The following CLPTM1 variants were observed in gnomAD, a reference collection of about 807,000 sequenced individuals.
CLPTM1 encodes putative lipid scramblase CLPTM1.
A neutral mutation model predicts 77.3 loss-of-function variants in CLPTM1; 21 were observed. The ratio of observed to expected loss-of-function variants is 0.27; its 90% CI spans 0.19 to 0.39. The LOEUF is 0.39. Among genes scored for constraint, CLPTM1 ranks in the 10% least tolerant of loss-of-function variants. The probability of loss-of-function intolerance (pLI) is 1.00; values close to 1 mark genes in which losing one functional copy is unlikely to be tolerated. For missense variants in CLPTM1, 642 were observed against 921.2 expected (o/e 0.70, Z 3.92); for synonymous variants, 373 against 381.0 (o/e 0.98, Z 0.24).
chr19:44,974,671 C>T (rs778444336), intron 4 of CLPTM1, 74 bp downstream of exon 4: 1 of 1,535,586 alleles, frequency 6.5e-7, no homozygotes, highest in Non-Finnish European at 8.9e-7. Flanking sequence ...CCAGTCCGCT[C>T]CTTGCTGAGA....
chr19:44,987,557 G>C (rs1208033834), intron 8 of CLPTM1, 134 bp downstream of exon 8: 6 of 1,247,300 alleles, frequency 4.8e-6, no homozygotes, highest in Non-Finnish European at 6.6e-6. Flanking sequence ...AACCTCCCAG[G>C]TCCCTTCTCC....
intron 5 of CLPTM1, among the ~76,000 whole-genome samples, chr19:44,980,525 A>G (rs1360293778): frequency 6.6e-6 from 1 of 150,900 alleles, no homozygotes; most frequent in Non-Finnish European, 1.5e-5. Flanking sequence ...AAAAAAAAAA[A>G]AAGAAAAGAA....
chr19:44,985,286 G>A lies in CLPTM1; in HGVS notation c.655G>A (p.Asp219Asn), dbSNP rs1970960541. The A allele has an allele frequency of 6.2e-7, 1 of 1,613,092 alleles. No homozygotes were observed. The highest frequency in any genetic ancestry group is 8.5e-7 in the Non-Finnish European group (1 of 1,179,172). ...KNLLTGETEADPEMIKRAEDY... is the reference protein window; with the variant it reads ...KNLLTGETEANPEMIKRAEDY... ...CCTGCTGACAGGAGAGACAGAAGCG[G>A]ACCCAGAAATGATCAAGGTAAATGG... is the stretch of plus-strand genomic sequence containing the variant. Residue 219 changes from aspartate (D) to asparagine (N), a missense_variant, in exon 6 of 14, where the codon GAC becomes AAC. Coordinates refer to ENST00000337392, the MANE Select transcript of CLPTM1 (RefSeq NM_001294.4).
At chr19:44,985,596 C>T (rs778339014) in intron 6 of CLPTM1, among the ~76,000 whole-genome samples, 36 of 152,304 alleles carry the variant, frequency 2.4e-4, no homozygotes, top group Non-Finnish European at 3.5e-4. Context: ...CAGTCTCAGC[C>T]GGAAGTGGCA....
At chr19:44,958,774 T>C (rs993885566) in intron 1 of CLPTM1, among the ~76,000 whole-genome samples, 11 of 152,222 alleles carry the variant, frequency 7.2e-5, no homozygotes, top group Non-Finnish European at 1.3e-4. Context: ...ATCACCACAG[T>C]CTGGTCTGAG....
At chr19:44,962,983 C>T (rs992051564) in intron 2 of CLPTM1, among the ~76,000 whole-genome samples, 4 of 151,314 alleles carry the variant, frequency 2.6e-5, no homozygotes, top group Non-Finnish European at 4.4e-5. Context: ...TGAGATCGCG[C>T]TACTGCACTC....
chr19:44,979,305 C>T (rs1970856682), intron 5 of CLPTM1, among the ~76,000 whole-genome samples: 1 of 151,982 alleles, frequency 6.6e-6, no homozygotes, highest in African/African-American at 2.4e-5. Context: ...GAGCTTTTTC[C>T]CTGAGTCCTC....
At position 44,969,968 on chromosome 19, in the gene CLPTM1, C is replaced by T. The variant is rs143528287; in HGVS notation, c.186-3119C>T. On this transcript the variant is annotated intron_variant, in intron 2 of 13. Transcript: ENST00000337392. Reference sequence around the variant, plus strand: ...CTGGGATTATAGGTGTAAGCCACCACGCCCAGCCTCGTTTTGGTTTTGGTA... The same window carrying T: ...CTGGGATTATAGGTGTAAGCCACCATGCCCAGCCTCGTTTTGGTTTTGGTA... Among the ~76,000 whole-genome samples the T allele has an allele frequency of 4.6e-3, 675 of 147,718 alleles. 104 individuals carry two copies. Among genetic ancestry groups the T allele is most frequent in the African/African-American group, 0.017 (642 of 37,952 alleles).
chr19:44,990,300 G>T lies in CLPTM1; in HGVS notation c.1133-95G>T. ...TCCTGAGGACCCAGCCCCACCCCAGGGTGTGAGGATGCAGGCCAAGGGGGC... is the reference window on the plus strand; with the variant it reads ...TCCTGAGGACCCAGCCCCACCCCAGTGTGTGAGGATGCAGGCCAAGGGGGC... On this transcript the variant is annotated intron_variant, in intron 9 of 13. Transcript: ENST00000337392. The surrounding 1 kb of genome is among the most constrained non-coding windows in gnomAD (Gnocchi z 4.8). The T allele has an allele frequency of 2.3e-6, 3 of 1,313,010 alleles. No homozygotes were observed. Among genetic ancestry groups the T allele is most frequent in the Non-Finnish European group, 3.2e-6 (3 of 937,536 alleles). The allele number at this position is 1,313,010 out of a possible 1,614,324, so 81.3% of individuals were successfully genotyped here.
intron 3 of CLPTM1, among the ~76,000 whole-genome samples, chr19:44,973,496 T>C (rs1285937903): frequency 1.3e-5 from 2 of 152,170 alleles, no homozygotes; most frequent in Admixed American, 6.5e-5. Context: ...TTCAAAAGTA[T>C]GTTCAGCCTT....
rs116315083 is a variant in CLPTM1 at position 44,980,263 on chromosome 19, C to T, written c.586+2803C>T. Among the ~76,000 whole-genome samples the T allele has an allele frequency of 7.9e-5, 12 of 152,246 alleles. No homozygotes were observed. In the East Asian group the frequency reaches 2.1e-3, roughly 27 times the overall value. On this transcript the variant is annotated intron_variant, in intron 5 of 13. Transcript: ENST00000337392. ...GTGGCTCATGCCTGGAAACCCAGCA[C>T]TTTGGGAAGCCAAGGCAAGCAGATC...
chr19:44,968,984 G>C (rs1380261859), intron 2 of CLPTM1, among the ~76,000 whole-genome samples: 1 of 152,180 alleles, frequency 6.6e-6, no homozygotes, highest in African/African-American at 2.4e-5. Flanking sequence ...GCAAGTTCCT[G>C]TGCCTGATCC....
In CLPTM1 at chr19:44,992,972, C is replaced by T. The variant is rs956215488; in HGVS notation, c.*75C>T. On this transcript the variant is annotated 3_prime_UTR_variant, in exon 14 of 14. Coordinates refer to ENST00000337392, the MANE Select transcript of CLPTM1 (RefSeq NM_001294.4). The surrounding 1 kb of genome is among the most constrained non-coding windows in gnomAD (Gnocchi z 7.7). ...GTCCCGGCCCCCTCGCCTCCCCTCC[C>T]TGTCGCCCTTTCCCTGGACAGATCA... The T allele has an allele frequency of 2.6e-6, 4 of 1,518,454 alleles. No homozygotes were observed. Among genetic ancestry groups the T allele is most frequent in the African/African-American group, 2.7e-5 (2 of 72,762 alleles). The allele number at this position is 1,518,454 out of a possible 1,614,324, so 94.1% of individuals were successfully genotyped here.
upstream of CLPTM1, chr19:44,955,376 C>CGGGGGGGGGGGGGGCGGGGGGGGG: frequency 3.2e-6 from 2 of 631,168 alleles, no homozygotes; most frequent in Non-Finnish European, 4.1e-6. Context: ...GCGGCGGGGG[C>CGGGGGGGGGGGGGGCGGGGGGGGG]GGGGACCCGG....
At chr19:44,958,881 T>C (rs910109740) in intron 1 of CLPTM1, among the ~76,000 whole-genome samples, 1 of 152,252 alleles carries the variant, frequency 6.6e-6, no homozygotes, top group African/African-American at 2.4e-5. Context: ...TTTCTAAAAA[T>C]GTCTTAAACA....
chr19:44,966,342 C>A (rs1020447472), intron 2 of CLPTM1, among the ~76,000 whole-genome samples: 2 of 152,112 alleles, frequency 1.3e-5, no homozygotes, highest in African/African-American at 4.8e-5. Context: ...ACCTAGGAGG[C>A]GGAGCTTGCA....
chr19:44,990,334 G>A lies in CLPTM1; in HGVS notation c.1133-61G>A. 7 of 1,557,566 alleles carry A rather than the reference G, an allele frequency of 4.5e-6. No individual in the cohort carries two copies. The highest frequency in any genetic ancestry group is 1.2e-5 in the South Asian group (1 of 86,122). Reference sequence around the variant, plus strand: ...ATGCAGGCCAAGGGGGCCTGAGGGAGCTGCAGTAGGGTCTCAGCACCTCCT... The same window carrying A: ...ATGCAGGCCAAGGGGGCCTGAGGGAACTGCAGTAGGGTCTCAGCACCTCCT... On this transcript the variant is annotated intron_variant, in intron 9 of 13. Coordinates refer to ENST00000337392, the MANE Select transcript of CLPTM1 (RefSeq NM_001294.4). The surrounding 1 kb of genome is among the most constrained non-coding windows in gnomAD (Gnocchi z 4.8).
At chr19:44,978,926 G>A (rs767196706) in intron 5 of CLPTM1, among the ~76,000 whole-genome samples, 6 of 151,602 alleles carry the variant, frequency 4.0e-5, no homozygotes, top group Non-Finnish European at 5.9e-5. Context: ...AGCATTGTCC[G>A]TCCTCTTGTT....
intron 8 of CLPTM1, 91 bp downstream of exon 8, chr19:44,987,514 T>C: frequency 6.6e-7 from 1 of 1,515,678 alleles, no homozygotes; most frequent in Non-Finnish European, 8.9e-7. Context: ...CTGTGGGACC[T>C]CCCGCCTGGT....
Sources: allele counts gnomAD v4.1 joint callset (sites outside exome capture counted in the v4.1 genomes callset), GRCh38; gene constraint gnomAD v4.1.1; non-coding constraint Gnocchi (gnomAD v3.1); transcripts MANE v1.5; gene names NCBI Gene and HGNC (gene_info 2026-07-23, HGNC 2026-07-21).